Variants in SOX6 observed in about 807,000 individuals in gnomAD.
SOX6 encodes the protein transcription factor SOX-6.
Under a neutral mutation model 97.8 loss-of-function variants are expected in SOX6, and 11 were observed. The ratio of observed to expected loss-of-function variants is 0.11; its 90% CI spans 0.07 to 0.19. The LOEUF (loss-of-function observed/expected upper bound fraction) is 0.19, where lower values mean the gene tolerates loss of function less well. Ranked by LOEUF, SOX6 falls within the 10% of genes least tolerant of loss-of-function variation. The pLI is 1.00. For missense variants in SOX6, 810 were observed against 1,039.5 expected, an observed-to-expected ratio of 0.78 and a Z score of 3.04; for synonymous variants, 360 against 371.4, an observed-to-expected ratio of 0.97 and a Z score of 0.35.
chr11:16,267,112 T>C (rs577970498), intron 3 of SOX6, among the ~76,000 whole-genome samples: 23 of 151,542 alleles, frequency 1.5e-4, no homozygotes, highest in African/African-American at 5.5e-4. Context: ...GAGGAAAAAC[T>C]ATACAACACT....
chr11:16,196,633 C>T (rs1851779308), intron 4 of SOX6, among the ~76,000 whole-genome samples: 1 of 152,036 alleles, frequency 6.6e-6, no homozygotes, highest in Admixed American at 6.6e-5. Context: ...AATTTACTCT[C>T]CTCTTCCATA....
At chr11:16,692,750 CT>C (rs1326023305) in intron 3 of SOX6, among the ~76,000 whole-genome samples, 2 of 152,084 alleles carry the variant, frequency 1.3e-5, no homozygotes, top group Non-Finnish European at 2.9e-5. Flanking sequence ...ATTGTTTTTT[CT>C]TTTACAAAAT....
chr11:16,734,061 CA>C (rs1406180908), intron 2 of SOX6, among the ~76,000 whole-genome samples: 1 of 149,388 alleles, frequency 6.7e-6, no homozygotes, highest in Non-Finnish European at 1.5e-5. Context: ...TATACATCAA[CA>C]ACAATTTTAT....
chr11:16,237,195 T>C (rs369141501), intron 3 of SOX6, among the ~76,000 whole-genome samples: 4 of 151,958 alleles, frequency 2.6e-5, no homozygotes, highest in Non-Finnish European at 5.9e-5. Context: ...TACCCCATTA[T>C]CTGACTGCCA....
chr11:16,550,430 G>A (rs970309412), intron 4 of SOX6, among the ~76,000 whole-genome samples: 8 of 151,864 alleles, frequency 5.3e-5, no homozygotes, highest in Non-Finnish European at 7.4e-5. Context: ...AAACCTGCAC[G>A]TTGTGCACAT....
intron 3 of SOX6, among the ~76,000 whole-genome samples, chr11:16,251,393 CA>C (rs1211093359): frequency 7.3e-5 from 11 of 151,634 alleles, no homozygotes; most frequent in African/African-American, 2.7e-4. Flanking sequence ...TAATAAAGAG[CA>C]AAAACATTAT....
At chr11:16,653,317 C>G (rs1488761354) in intron 3 of SOX6, among the ~76,000 whole-genome samples, 2 of 152,124 alleles carry the variant, frequency 1.3e-5, no homozygotes, top group Non-Finnish European at 2.9e-5. Context: ...CACTTGCGAG[C>G]ACATTTATAG....
chr11:16,214,547 C>G (rs1209287809), intron 4 of SOX6, among the ~76,000 whole-genome samples: 1 of 152,092 alleles, frequency 6.6e-6, no homozygotes, highest in Non-Finnish European at 1.5e-5. Flanking sequence ...TAGAGTGACT[C>G]AACTGCTAAA....
Position 15,977,697 on chromosome 11 carries a change from T to TAA in SOX6, c.2184-4586_2184-4585insTT, listed in dbSNP as rs1308412177. 2.6e-5 allele frequency among the ~76,000 whole-genome samples: 4 copies of TAA among 152,222 alleles called. No individual in the cohort carries two copies. The East Asian group carries it at 7.7e-4, about 29-fold the overall frequency. The stretch of plus-strand genomic sequence containing the variant: ...GCTGGAGAAAATACACTGCCATACT[T>TAA]ACTAGTCTCTAAATTTACAATGCTG... On this transcript the variant is annotated intron_variant, in intron 15 of 15. Transcript: ENST00000683767.
intron 9 of SOX6, among the ~76,000 whole-genome samples, chr11:16,077,074 A>G (rs529746128): frequency 2.6e-5 from 4 of 152,228 alleles, no homozygotes; most frequent in African/African-American, 9.6e-5. Context: ...TTTTTAAACA[A>G]CCAGATCTCA....
intron 3 of SOX6, among the ~76,000 whole-genome samples, chr11:16,703,385 C>T (rs1848108913): frequency 1.3e-5 from 2 of 151,958 alleles, no homozygotes; most frequent in South Asian, 2.1e-4. Flanking sequence ...TTTAAATTTT[C>T]GTTTAACTAA....
chr11:16,402,773 T>C lies in SOX6; in HGVS notation c.-4-61521A>G, dbSNP rs755341294. The C allele has an allele frequency of 3.7e-6, 6 of 1,604,580 alleles. No individual in the cohort carries two copies. The African/African-American group carries it at 8.0e-5, about 22-fold the overall frequency. On this transcript the variant is annotated intron_variant, in intron 1 of 15. Coordinates refer to the SOX6 transcript ENST00000396356. ...CTAGAAATATTAGGAAAAAAAACAA[T>C]CTACTATTGTTACATGAGACAACAA...
chr11:16,317,905 A>G (rs750878701), intron 3 of SOX6: 8 of 447,032 alleles, frequency 1.8e-5, no homozygotes, highest in South Asian at 8.0e-5. Flanking sequence ...CAGAGTAGAG[A>G]AGGTAGATGT....
intron 4 of SOX6, among the ~76,000 whole-genome samples, chr11:16,488,553 G>A (rs546150167): frequency 3.3e-5 from 5 of 152,122 alleles, no homozygotes; most frequent in Non-Finnish European, 7.4e-5. Flanking sequence ...GGCTAGTATA[G>A]TCATCCACTT....
chr11:16,435,327 T>C (rs575376727), intron 1 of SOX6, among the ~76,000 whole-genome samples: 7 of 152,326 alleles, frequency 4.6e-5, no homozygotes, highest in African/African-American at 1.7e-4. Context: ...ATTGGTTCTA[T>C]ATCTTTTGCA....
At chr11:16,649,024 A>G (rs1176643516) in intron 3 of SOX6, among the ~76,000 whole-genome samples, 1 of 152,130 alleles carries the variant, frequency 6.6e-6, no homozygotes, top group Non-Finnish European at 1.5e-5. Flanking sequence ...AGAACTTCAG[A>G]GCTCAAAGAC....
chr11:16,580,922 C>T (rs538990674), intron 4 of SOX6, among the ~76,000 whole-genome samples: 2 of 151,762 alleles, frequency 1.3e-5, no homozygotes, highest in African/African-American at 4.8e-5. Flanking sequence ...GACAGAATAG[C>T]GATTATTAAA....
chr11:16,604,749 C>T (rs374234257), intron 4 of SOX6, among the ~76,000 whole-genome samples: 73 of 152,376 alleles, frequency 4.8e-4, no homozygotes, highest in African/African-American at 1.6e-3. Context: ...TATTTTTAGT[C>T]CCCAAATAGG....
intron 4 of SOX6, among the ~76,000 whole-genome samples, chr11:16,596,142 G>A (rs546969187): frequency 6.6e-6 from 1 of 152,282 alleles, no homozygotes; most frequent in African/African-American, 2.4e-5. Context: ...CTAAGATCAT[G>A]CTTGTCCATT....
Sources: gnomAD v4.1 joint callset for allele counts (sites outside exome capture counted in the v4.1 genomes callset) on GRCh38, gnomAD v4.1.1 for gene constraint, MANE v1.5 for transcripts, NCBI Gene and HGNC (gene_info 2026-07-23, HGNC 2026-07-21) for gene names.